Variants in CREB5 observed in about 807,000 individuals in gnomAD.
CREB5 encodes cyclic AMP-responsive element-binding protein 5.
A neutral mutation model predicts 57.1 loss-of-function variants in CREB5; 19 were observed. The ratio of observed to expected loss-of-function variants is 0.33; its 90% CI spans 0.23 to 0.49. The LOEUF (loss-of-function observed/expected upper bound fraction) is 0.49. Among genes scored for constraint, CREB5 ranks in the 20% least tolerant of loss-of-function variants. The pLI, the probability that CREB5 is intolerant of heterozygous loss-of-function variation, is 0.99. For missense variants in CREB5, 579 were observed against 671.6 expected (o/e 0.86, Z 1.52); for synonymous variants, 238 against 238.3 (o/e 1.00, Z 0.01).
intron 1 of CREB5, among the ~76,000 whole-genome samples, chr7:28,336,401 A>G (rs1785822624): frequency 6.6e-6 from 1 of 151,518 alleles, no homozygotes; most frequent in African/African-American, 2.4e-5. Context: ...CAGGTTTTGG[A>G]TTTCTTCATG....
chr7:28,408,072 C>T (rs1014908959), upstream of CREB5, among the ~76,000 whole-genome samples: 3 of 152,190 alleles, frequency 2.0e-5, no homozygotes, highest in African/African-American at 4.8e-5. Flanking sequence ...AATGCTTACC[C>T]CTGGCTCTAT....
chr7:28,308,555 T>C (rs938870956), intron 1 of CREB5, among the ~76,000 whole-genome samples: 2 of 152,204 alleles, frequency 1.3e-5, no homozygotes, highest in African/African-American at 4.8e-5. Context: ...AGACCTGGAC[T>C]CAAACCCAGG....
intron 4 of CREB5, among the ~76,000 whole-genome samples, chr7:28,508,524 A>T (rs1360257731): frequency 1.3e-5 from 2 of 152,246 alleles, no homozygotes; most frequent in Admixed American, 1.3e-4. Flanking sequence ...GTAGTAATGA[A>T]TTCTGAAGTC....
intron 7 of CREB5, among the ~76,000 whole-genome samples, chr7:28,766,204 A>T (rs539224225): frequency 1.3e-5 from 2 of 152,166 alleles, no homozygotes; most frequent in African/African-American, 4.8e-5. Flanking sequence ...GTTATGCACC[A>T]TCTCTTTAAA....
intron 1 of CREB5, among the ~76,000 whole-genome samples, chr7:28,434,278 T>G (rs1260803388): frequency 1.3e-5 from 2 of 152,156 alleles, no homozygotes; most frequent in African/African-American, 4.8e-5. Flanking sequence ...TAATTAATTA[T>G]TCTTGGAAAA....
At chr7:28,374,565 T>C (rs1786784240) in intron 1 of CREB5, among the ~76,000 whole-genome samples, 2 of 152,152 alleles carry the variant, frequency 1.3e-5, no homozygotes. Flanking sequence ...TTCAAAAATA[T>C]TGCGATAAGT....
intron 1 of CREB5, among the ~76,000 whole-genome samples, chr7:28,453,748 A>G (rs1789950376): frequency 6.6e-6 from 1 of 152,224 alleles, no homozygotes. Context: ...CTGCTGTTCT[A>G]GATATATCTG....
At chr7:28,348,662 T>C (rs1335693293) in intron 1 of CREB5, among the ~76,000 whole-genome samples, 1 of 152,172 alleles carries the variant, frequency 6.6e-6, no homozygotes. Flanking sequence ...CATCCGTCTT[T>C]CCATTCACAA....
chr7:28,475,204 C>CT (rs1212759527), intron 1 of CREB5, among the ~76,000 whole-genome samples: 1 of 144,372 alleles, frequency 6.9e-6, no homozygotes, highest in African/African-American at 2.6e-5. Context: ...TTATGACTTC[C>CT]TTTTTTTCAC....
chr7:28,664,860 T>C (rs1799757745), intron 5 of CREB5, among the ~76,000 whole-genome samples: 1 of 152,164 alleles, frequency 6.6e-6, no homozygotes, highest in Admixed American at 6.6e-5. Context: ...ACGTAGTGTA[T>C]TCTCCCAGAA....
intron 4 of CREB5, among the ~76,000 whole-genome samples, chr7:28,537,189 CTA>C (rs1303898611): frequency 6.6e-6 from 1 of 152,122 alleles, no homozygotes; most frequent in African/African-American, 2.4e-5. Context: ...ATTTTATTGT[CTA>C]TATTTGAGAA....
intron 1 of CREB5, among the ~76,000 whole-genome samples, chr7:28,420,856 A>G (rs1337474170): frequency 6.6e-6 from 1 of 151,500 alleles, no homozygotes; most frequent in Non-Finnish European, 1.5e-5. Context: ...TTTATGTTAT[A>G]TATATTTTAC....
intron 4 of CREB5, among the ~76,000 whole-genome samples, chr7:28,554,975 A>T (rs917606745): frequency 5.9e-5 from 9 of 152,186 alleles, no homozygotes; most frequent in Admixed American, 2.0e-4. Flanking sequence ...AAAAATTAAG[A>T]TAAAAGACCA....
At chr7:28,359,203 C>T (rs1194088843) in intron 1 of CREB5, among the ~76,000 whole-genome samples, 5 of 140,644 alleles carry the variant, frequency 3.6e-5, no homozygotes, top group African/African-American at 7.8e-5. Context: ...CCCAAAAAAG[C>T]GAATACACAC....
chr7:28,304,925 C>T (rs963774632), intron 1 of CREB5, among the ~76,000 whole-genome samples: 8 of 152,092 alleles, frequency 5.3e-5, no homozygotes, highest in African/African-American at 1.4e-4. Flanking sequence ...TAATTATCTC[C>T]GGGCAGGATA....
chr7:28,760,363 A>G (rs1162153014), intron 7 of CREB5, among the ~76,000 whole-genome samples: 1 of 152,234 alleles, frequency 6.6e-6, no homozygotes, highest in African/African-American at 2.4e-5. Context: ...GCATCATGGC[A>G]GGTTAAGACA....
intron 5 of CREB5, among the ~76,000 whole-genome samples, chr7:28,607,964 G>T (rs926188416): frequency 6.6e-6 from 1 of 151,984 alleles, no homozygotes; most frequent in Non-Finnish European, 1.5e-5. Context: ...GAACAGCGCC[G>T]TACATGGTGT....
chr7:28,472,781 C>T (rs968567233), intron 1 of CREB5, among the ~76,000 whole-genome samples: 5 of 152,128 alleles, frequency 3.3e-5, no homozygotes, highest in African/African-American at 1.2e-4. Context: ...CTCTCTGCAG[C>T]CTGGAATTCC....
rs1019302911 is a variant in CREB5 at position 28,500,870 on chromosome 7, C to T, written c.169+5871C>T. On this transcript the variant is annotated intron_variant, in intron 3 of 10. Transcript: ENST00000357727. ...ACCCATACTTACCTCTTCTTCTTGG[C>T]AATTCCATTGATAGTAAAGGTATAT... Among the ~76,000 whole-genome samples the T allele has an allele frequency of 2.6e-5, 4 of 152,012 alleles. No homozygotes were observed. The East Asian group carries it at 7.7e-4, about 29-fold the overall frequency.
Sources: allele counts gnomAD v4.1 joint callset (sites outside exome capture counted in the v4.1 genomes callset), GRCh38; gene constraint gnomAD v4.1.1; transcripts MANE v1.5; gene names NCBI Gene and HGNC (gene_info 2026-07-23, HGNC 2026-07-21).